The following SYN3 variants were observed in gnomAD, a reference collection of about 807,000 sequenced individuals.
The protein encoded by SYN3 is synapsin-3.
In SYN3, 35 loss-of-function variants were observed where a neutral mutation model predicts 65.8. That is an observed-to-expected ratio of 0.53 (90% CI 0.41 to 0.70). The LOEUF (loss-of-function observed/expected upper bound fraction) is 0.70, where lower values mean the gene tolerates loss of function less well. Among genes scored for constraint, SYN3 ranks in the 30% least tolerant of loss-of-function variants. The pLI is 0.00. For synonymous variants in SYN3, 270 were observed against 292.9 expected (o/e 0.92, Z 0.80); for missense variants, 680 against 749.0 (o/e 0.91, Z 1.08).
At chr22:32,838,401 G>A (rs948406913) in intron 6 of SYN3, among the ~76,000 whole-genome samples, 1 of 152,216 alleles carries the variant, frequency 6.6e-6, no homozygotes, top group Admixed American at 6.5e-5. Context: ...CTGGAGGCCA[G>A]AGGGCCTGCA....
In SYN3 at chr22:32,819,793, G is replaced by A. The variant is rs539595503; in HGVS notation, c.711+45122C>T. On this transcript the variant is annotated intron_variant, in intron 6 of 13. Transcript: ENST00000358763. ...GCAAACTTGCTGGGTCATCCATAGA[G>A]TATATTAACTGGCTATCTTGCTATC... Among the ~76,000 whole-genome samples, 13 of 152,324 alleles carry A rather than the reference G, an allele frequency of 8.5e-5. No homozygotes were observed. In the East Asian group the frequency reaches 1.9e-3, roughly 23 times the overall value.
At chr22:33,044,726 T>C (rs2054027807) in intron 1 of SYN3, among the ~76,000 whole-genome samples, 1 of 151,926 alleles carries the variant, frequency 6.6e-6, no homozygotes, top group Non-Finnish European at 1.5e-5. Flanking sequence ...TTTCTCATAG[T>C]GGTTTCAACC....
chr22:32,909,830 C>T lies in SYN3; in HGVS notation c.461+21560G>A, dbSNP rs1482122251. On this transcript the variant is annotated intron_variant, in intron 4 of 13. Coordinates refer to ENST00000358763, the MANE Select transcript of SYN3 (RefSeq NM_003490.4). ...TAGCATGAGCCCAGCCTCCTAGACTCGCCTTTGTGAAGCAGTGCAGTTCCC... is the reference window on the plus strand; with the variant it reads ...TAGCATGAGCCCAGCCTCCTAGACTTGCCTTTGTGAAGCAGTGCAGTTCCC... Among the ~76,000 whole-genome samples the T allele has an allele frequency of 2.0e-5, 3 of 152,146 alleles. No individual in the cohort carries two copies. The East Asian group carries it at 5.8e-4, about 29-fold the overall frequency.
At chr22:32,631,460 C>A (rs923539266) in intron 6 of SYN3, among the ~76,000 whole-genome samples, 2 of 152,128 alleles carry the variant, frequency 1.3e-5, no homozygotes, top group African/African-American at 4.8e-5. Context: ...CTGAAGTCTG[C>A]AAATCCTAAA....
intron 6 of SYN3, among the ~76,000 whole-genome samples, chr22:32,825,701 GTGTGTA>G (rs2047389127): frequency 8.0e-6 from 1 of 124,280 alleles, no homozygotes; most frequent in African/African-American, 3.0e-5. Context: ...AAAAAAAGAT[GTGTGTA>G]TGTGTGTATG....
In SYN3 at chr22:32,551,842, A is replaced by G. The variant is rs116982205; in HGVS notation, c.775-10129T>C. ...GATCTACAGAGACAGGAAGCAGAGG[A>G]GCAATTGCCAAGGACTTGGGGGAGA... On this transcript the variant is annotated intron_variant, in intron 7 of 13. Coordinates refer to ENST00000358763, the MANE Select transcript of SYN3 (RefSeq NM_003490.4). 5.7e-4 allele frequency among the ~76,000 whole-genome samples: 87 copies of G among 152,320 alleles called. 1 individual carries two copies. In the East Asian group the frequency reaches 0.01, roughly 18 times the overall value.
intron 6 of SYN3, among the ~76,000 whole-genome samples, chr22:32,686,062 G>A (rs2060584489): frequency 1.3e-5 from 2 of 152,040 alleles, no homozygotes; most frequent in African/African-American, 4.8e-5. Context: ...TCTGGGTATT[G>A]GAATTACAAG....
At chr22:32,772,554 A>G (rs1218555515) in intron 6 of SYN3, among the ~76,000 whole-genome samples, 2 of 151,990 alleles carry the variant, frequency 1.3e-5, no homozygotes, top group Non-Finnish European at 2.9e-5. Context: ...AAGCCCATAA[A>G]TGTTAACTTA....
intron 8 of SYN3, among the ~76,000 whole-genome samples, chr22:32,540,827 C>T (rs135478): frequency 0.64 from 97,521 of 152,066 alleles, 31,393 homozygotes; most frequent in East Asian, 0.9. Flanking sequence ...CTAATCAGTA[C>T]TTTTTCCACG....
chr22:32,539,293 C>T (rs2058215025), intron 8 of SYN3, among the ~76,000 whole-genome samples: 1 of 147,750 alleles, frequency 6.8e-6, no homozygotes, highest in South Asian at 2.3e-4. Flanking sequence ...AGACTGGGCA[C>T]ATACACTGAG....
At position 32,509,441 on chromosome 22, in the gene SYN3, AG is replaced by A. The variant is rs2057667095; in HGVS notation, c.*4250del. On this transcript the variant is annotated 3_prime_UTR_variant, in exon 14 of 14. Transcript: ENST00000358763. Reference sequence around the variant, plus strand: ...CATTTCAAAATGTCACAATTATTAAAGGTTACATGTTTGGAAGGAACAGGTA... The same window carrying A: ...CATTTCAAAATGTCACAATTATTAAAGTTACATGTTTGGAAGGAACAGGTA... 1.3e-5 allele frequency among the ~76,000 whole-genome samples: 2 copies of A among 152,292 alleles called. No homozygotes were observed. Among genetic ancestry groups the A allele is most frequent in the African/African-American group, 4.8e-5 (2 of 41,566 alleles).
chr22:32,655,317 A>G (rs2060127681), intron 6 of SYN3, among the ~76,000 whole-genome samples: 1 of 152,204 alleles, frequency 6.6e-6, no homozygotes, highest in South Asian at 2.1e-4. Flanking sequence ...GAACTATGAA[A>G]TACATTTCTA....
At chr22:32,780,076 A>AAAAAAAAAAAAAT in intron 6 of SYN3, among the ~76,000 whole-genome samples, 1 of 37,428 alleles carries the variant, frequency 2.7e-5, no homozygotes, top group African/African-American at 1.4e-4. Context: ...CTCAAAAAAA[A>AAAAAAAAAAAAAT]AAAGAGAGAG....
chr22:32,676,558 G>A (rs1310268128), intron 6 of SYN3, among the ~76,000 whole-genome samples: 9 of 37,762 alleles, frequency 2.4e-4, no homozygotes, highest in African/African-American at 9.7e-4. Context: ...TTTTTTTTTT[G>A]ACAGAGTCTC....
chr22:33,018,810 G>A (rs1281824033), intron 1 of SYN3, among the ~76,000 whole-genome samples: 3 of 152,062 alleles, frequency 2.0e-5, no homozygotes, highest in South Asian at 4.2e-4. Flanking sequence ...CCCCACTTCC[G>A]GAACCCTGTG....
chr22:33,023,538 T>C (rs1190980010), intron 1 of SYN3, among the ~76,000 whole-genome samples: 1 of 152,146 alleles, frequency 6.6e-6, no homozygotes, highest in Admixed American at 6.5e-5. Flanking sequence ...AATGGACTAA[T>C]ACACAGTCTC....
intron 1 of SYN3, among the ~76,000 whole-genome samples, chr22:33,036,115 A>G (rs2145917000): frequency 6.6e-6 from 1 of 152,270 alleles, no homozygotes; most frequent in East Asian, 1.9e-4. Context: ...CTTACCGCCT[A>G]CCTGCCCCTC....
At chr22:32,533,710 C>T in intron 10 of SYN3, 83 bp downstream of exon 10, 1 of 958,702 alleles carries the variant, frequency 1.0e-6, no homozygotes, top group South Asian at 1.4e-5. Flanking sequence ...GCTGATGGTG[C>T]CAAAGACCAT....
intron 7 of SYN3, among the ~76,000 whole-genome samples, chr22:32,577,116 C>G (rs1228090794): frequency 1.3e-5 from 2 of 152,058 alleles, no homozygotes; most frequent in Non-Finnish European, 2.9e-5. Flanking sequence ...GGGATTAGGC[C>G]CTGGGCAGAA....
Sources: gnomAD v4.1 joint callset for allele counts (sites outside exome capture counted in the v4.1 genomes callset) on GRCh38, gnomAD v4.1.1 for gene constraint, MANE v1.5 for transcripts, NCBI Gene and HGNC (gene_info 2026-07-23, HGNC 2026-07-21) for gene names.